Variants in PAPPA2 observed in about 807,000 individuals in gnomAD.
PAPPA2 encodes pappalysin-2.
Under a neutral mutation model 176.4 loss-of-function variants are expected in PAPPA2, and 86 were observed. The ratio of observed to expected loss-of-function variants is 0.49; its 90% CI spans 0.41 to 0.58. The LOEUF is 0.58. Ranked by LOEUF, PAPPA2 falls within the 20% of genes least tolerant of loss-of-function variation. The pLI is 0.00. For missense variants in PAPPA2, 2,073 were observed against 2,256.9 expected (o/e 0.92, Z 1.65); for synonymous variants, 809 against 852.2 (o/e 0.95, Z 0.88).
intron 1 of PAPPA2, among the ~76,000 whole-genome samples, chr1:176,499,076 C>T (rs938104496): frequency 3.3e-5 from 5 of 152,080 alleles, no homozygotes; most frequent in African/African-American, 7.2e-5. Context: ...TATTGGGTGA[C>T]GCAGAGGTGC....
At chr1:176,501,233 C>A (rs924552862) in intron 1 of PAPPA2, among the ~76,000 whole-genome samples, 2 of 151,962 alleles carry the variant, frequency 1.3e-5, no homozygotes, top group African/African-American at 4.8e-5. Flanking sequence ...TTTCTAACAG[C>A]TTTGTTATCT....
chr1:176,783,968 T>C (rs1379886523), intron 17 of PAPPA2, among the ~76,000 whole-genome samples: 12 of 152,190 alleles, frequency 7.9e-5, no homozygotes, highest in Admixed American at 1.3e-4. Context: ...TCTGATGGGA[T>C]TGGTCTACAC....
At chr1:176,475,198 G>A (rs1402419292) in intron 1 of PAPPA2, among the ~76,000 whole-genome samples, 1 of 152,136 alleles carries the variant, frequency 6.6e-6, no homozygotes, top group Non-Finnish European at 1.5e-5. Flanking sequence ...AAGTGCAATA[G>A]GTTTCCCATG....
chr1:176,624,519 C>T (rs138940434), intron 3 of PAPPA2, among the ~76,000 whole-genome samples: 47 of 152,224 alleles, frequency 3.1e-4, no homozygotes, highest in African/African-American at 1.0e-3. Context: ...GTACTTAAGA[C>T]CTTTCTTCAT....
In PAPPA2 at chr1:176,775,936, A is replaced by T. The variant is rs796175389; in HGVS notation, c.4715+4756A>T. ...TTTATTTTTGAAGGTAATAGAGAAA[A>T]TGTAAGCAGAATTGTAACTCCAAGG... On this transcript the variant is annotated intron_variant, in intron 17 of 22. Transcript: ENST00000367662. 5.9e-5 allele frequency among the ~76,000 whole-genome samples: 9 copies of T among 152,310 alleles called. 1 individual carries two copies. The highest frequency in any genetic ancestry group is 2.2e-4 in the African/African-American group (9 of 41,566).
intron 14 of PAPPA2, among the ~76,000 whole-genome samples, chr1:176,745,782 G>A (rs1399147471): frequency 6.6e-6 from 1 of 152,182 alleles, no homozygotes; most frequent in Non-Finnish European, 1.5e-5. Context: ...ACATTGTGTG[G>A]CAGAGAAGTT....
chr1:176,511,237 T>C (rs547597927), intron 1 of PAPPA2, among the ~76,000 whole-genome samples: 18 of 152,276 alleles, frequency 1.2e-4, no homozygotes, highest in Non-Finnish European at 1.9e-4. Context: ...CATATATTAA[T>C]ATCAGAAAAA....
At chr1:176,712,702 A>C (rs887345321) in intron 12 of PAPPA2, among the ~76,000 whole-genome samples, 2 of 152,218 alleles carry the variant, frequency 1.3e-5, no homozygotes, top group Non-Finnish European at 2.9e-5. Flanking sequence ...AGATGGGTAT[A>C]TTTGGAACTG....
At chr1:176,683,490 T>C (rs1425482107) in intron 4 of PAPPA2, among the ~76,000 whole-genome samples, 2 of 152,218 alleles carry the variant, frequency 1.3e-5, no homozygotes, top group Non-Finnish European at 2.9e-5. Context: ...TAACTTACTT[T>C]ATTCTTCTGT....
intron 8 of PAPPA2, 69 bp from the exon 9 acceptor site, chr1:176,702,538 A>G: frequency 6.3e-7 from 1 of 1,585,876 alleles, no homozygotes; most frequent in Non-Finnish European, 8.6e-7. Context: ...TCTGTGAACC[A>G]TCAACAAAGG....
At chr1:176,762,482 G>A (rs997657536) in intron 14 of PAPPA2, among the ~76,000 whole-genome samples, 1 of 152,172 alleles carries the variant, frequency 6.6e-6, no homozygotes, top group Admixed American at 6.5e-5. Context: ...ATTGGACGAA[G>A]TCACTCAAAA....
chr1:176,487,932 C>T (rs543551537), intron 1 of PAPPA2, among the ~76,000 whole-genome samples: 3 of 152,042 alleles, frequency 2.0e-5, no homozygotes, highest in Non-Finnish European at 2.9e-5. Flanking sequence ...ACAGAAACAA[C>T]GAGGTTGATG....
intron 3 of PAPPA2, among the ~76,000 whole-genome samples, chr1:176,650,882 GT>G (rs747178681): frequency 1.3e-5 from 2 of 151,364 alleles, no homozygotes; most frequent in Non-Finnish European, 3.0e-5. Flanking sequence ...AGGCTTTTGT[GT>G]TGTGGCCACA....
chr1:176,792,435 T>G (rs971163817), intron 19 of PAPPA2, among the ~76,000 whole-genome samples: 5 of 152,214 alleles, frequency 3.3e-5, no homozygotes, highest in African/African-American at 9.7e-5. Flanking sequence ...CACAGTGATG[T>G]CTTGTGGTCA....
Position 176,748,383 on chromosome 1 carries a change from A to C in PAPPA2, c.4151+8187A>C, listed in dbSNP as rs144835527. Among the ~76,000 whole-genome samples the C allele has an allele frequency of 4.0e-3, 612 of 152,328 alleles. 6 individuals are homozygous for C. The highest frequency in any genetic ancestry group is 4.9e-3 in the Non-Finnish European group (332 of 68,030). ...TAAGGTCTTTTCATAGAAATTCCCC[A>C]GCTCTTGGTAGGTGGATTATCCAAG... On this transcript the variant is annotated intron_variant, in intron 14 of 22. Transcript: ENST00000367662.
chr1:176,701,529 A>G (rs968339824), intron 8 of PAPPA2, among the ~76,000 whole-genome samples: 3 of 152,206 alleles, frequency 2.0e-5, no homozygotes, highest in African/African-American at 7.2e-5. Flanking sequence ...AGACTTTAAT[A>G]TCTAGGTTTC....
At chr1:176,738,473 A>T (rs891748489) in intron 12 of PAPPA2, among the ~76,000 whole-genome samples, 1 of 152,062 alleles carries the variant, frequency 6.6e-6, no homozygotes, top group Non-Finnish European at 1.5e-5. Context: ...AAATGAAAAC[A>T]TGTTTTACTC....
intron 15 of PAPPA2, among the ~76,000 whole-genome samples, chr1:176,766,803 G>A (rs1229659435): frequency 6.6e-6 from 1 of 152,134 alleles, no homozygotes; most frequent in Admixed American, 6.5e-5. Flanking sequence ...GGATGCACCA[G>A]GGAAGAGATG....
chr1:176,538,143 C>T (rs1186172268), intron 1 of PAPPA2, among the ~76,000 whole-genome samples: 2 of 152,142 alleles, frequency 1.3e-5, no homozygotes, highest in Non-Finnish European at 2.9e-5. Flanking sequence ...TCTCTTCCTA[C>T]CATTTCATTC....
Sources: allele counts gnomAD v4.1 joint callset (sites outside exome capture counted in the v4.1 genomes callset), GRCh38; gene constraint gnomAD v4.1.1; transcripts MANE v1.5; gene names NCBI Gene and HGNC (gene_info 2026-07-23, HGNC 2026-07-21).